PIN1: variants seen among roughly 807,000 people sequenced by gnomAD.
PIN1 encodes peptidylprolyl cis/trans isomerase, NIMA-interacting 1.
PIN1 carries 8 observed loss-of-function variants against 19.9 expected under a neutral mutation model. That is an observed-to-expected ratio of 0.40 (90% CI 0.24 to 0.72). The LOEUF is 0.72. Among genes scored for constraint, PIN1 ranks in the 30% least tolerant of loss-of-function variants. PIN1 has a pLI of 0.37. For missense variants in PIN1, 185 were observed against 226.5 expected (o/e 0.82, Z 1.18); for synonymous variants, 86 against 90.8 (o/e 0.95, Z 0.30).
rs1406843919 is a variant in PIN1, at chr19:9,849,665, A to G, written c.*466A>G. ...ACTGTGCAGCACCCTTTCACCCCCA[A>G]TTAAACCCAGAACCACTGCTCTGCT... On this transcript the variant is annotated 3_prime_UTR_variant, in exon 4 of 4. Coordinates refer to ENST00000247970, the MANE Select transcript of PIN1 (RefSeq NM_006221.4). The G allele has an allele frequency of 7.8e-6, 4 of 513,992 alleles. No homozygotes were observed. The highest frequency in any genetic ancestry group is 5.5e-5 in the East Asian group (1 of 18,286). 31.8% of individuals were successfully genotyped at this position (513,992 alleles called of 1,614,324 possible). A position where few individuals can be genotyped will look rare whatever the true frequency, so the allele number is the denominator to read the frequency against.
At chr19:9,843,085 G>C in intron 2 of PIN1, among the ~76,000 whole-genome samples, 1 of 152,236 alleles carries the variant, frequency 6.6e-6, no homozygotes, top group Non-Finnish European at 1.5e-5. Flanking sequence ...TAAGGAGGAT[G>C]GGCCATGGAG....
At chr19:9,839,415 CAAAA>C (rs549874572) in intron 2 of PIN1, among the ~76,000 whole-genome samples, 2 of 84,302 alleles carry the variant, frequency 2.4e-5, no homozygotes, top group Non-Finnish European at 2.5e-5. Flanking sequence ...GGCACCATCT[CAAAA>C]AAAAAAAAAA....
chr19:9,849,233 G>T lies in PIN1; in HGVS notation c.*34G>T. The T allele has an allele frequency of 2.0e-6, 3 of 1,478,474 alleles. No individual in the cohort carries two copies. Among genetic ancestry groups the T allele is most frequent in the Non-Finnish European group, 2.8e-6 (3 of 1,068,810 alleles). The allele number at this position is 1,478,474 out of a possible 1,614,324, so 91.6% of individuals were successfully genotyped here. A position where few individuals can be genotyped will look rare whatever the true frequency, so the allele number is the denominator to read the frequency against. ...AGCCCAGGCCTGGCCTCGGGGCAGG[G>T]CAGGGCGGCTAGGCCGGCCAGCTCC... is the stretch of plus-strand genomic sequence containing the variant. On this transcript the variant is annotated 3_prime_UTR_variant, in exon 4 of 4. Coordinates refer to ENST00000247970, the MANE Select transcript of PIN1 (RefSeq NM_006221.4).
Position 9,838,552 on chromosome 19 carries a change from C to T in PIN1, c.175C>T (p.His59Tyr). Residue 59 changes from histidine to tyrosine, a missense_variant, in exon 2 of 4, where the codon CAC becomes TAC. His to Tyr is a moderately conservative substitution (Grantham distance 83, BLOSUM62 2). Coordinates refer to ENST00000247970, the MANE Select transcript of PIN1 (RefSeq NM_006221.4). This position sits in a 1 kb window ranked among gnomAD's most constrained non-coding sequence, Gnocchi z 5.8. ...QGEPARVRCS[H>Y]LLVKHSQSRR... ...GGAGCCTGCCAGGGTCCGCTGCTCGCACCTGCTGGTGAAGCACAGCCAGTC... is the reference window on the plus strand; with the variant it reads ...GGAGCCTGCCAGGGTCCGCTGCTCGTACCTGCTGGTGAAGCACAGCCAGTC... 6.3e-7 allele frequency: 1 copy of T among 1,584,376 alleles called. No homozygotes were observed. The highest frequency in any genetic ancestry group is 8.6e-7 in the Non-Finnish European group (1 of 1,166,866).
intron 2 of PIN1, among the ~76,000 whole-genome samples, chr19:9,840,281 C>T (rs774354045): frequency 5.3e-5 from 8 of 151,958 alleles, no homozygotes; most frequent in African/African-American, 9.7e-5. Context: ...CCCAGCTACT[C>T]GGGAGATAGG....
intron 3 of PIN1, 29 bp downstream of exon 3, chr19:9,848,169 G>C (rs1332432716): frequency 7.3e-7 from 1 of 1,369,150 alleles, no homozygotes; most frequent in Admixed American, 1.7e-5. Flanking sequence ...TCACCAGGTT[G>C]GGGGACCCTT....
Position 9,849,475 on chromosome 19 carries a change from T to A in PIN1, c.*276T>A, listed in dbSNP as rs1397559612. On this transcript the variant is annotated 3_prime_UTR_variant, in exon 4 of 4. Transcript: ENST00000247970. ...GGCTCCCAGACCCAGGGCAGTGTGG[T>A]GGGAGGGGTGTTCCAAAGAGAAGGC... The A allele has an allele frequency of 1.4e-6, 1 of 706,064 alleles. No individual in the cohort carries two copies. The allele number at this position is 706,064 out of a possible 1,614,324, so 43.7% of individuals were successfully genotyped here.
At chr19:9,837,144 T>A (rs1327317904) in intron 1 of PIN1, 1 of 261,108 alleles carries the variant, frequency 3.8e-6, no homozygotes. Context: ...TTTTATTTTT[T>A]ATTTTTTATT....
intron 1 of PIN1, 181 bp downstream of exon 1, chr19:9,835,583 G>A (rs1217671139): frequency 1.3e-5 from 7 of 537,950 alleles, no homozygotes; most frequent in Admixed American, 8.7e-5. Context: ...CTCAGGAGCC[G>A]CCGGGAAGCC....
Position 9,835,349 on chromosome 19 carries a change from C to T in PIN1, c.5C>T (p.Ala2Val). The change falls in exon 1 of 4, where the codon GCG becomes GTG. Residue 2 changes from alanine (A) to valine (V), a missense_variant. Physicochemically the swap from Ala to Val is moderately conservative, Grantham distance 64. Coordinates refer to ENST00000247970, the MANE Select transcript of PIN1 (RefSeq NM_006221.4). The part of the protein sequence containing the change: M[A>V]DEEKLPPGWE... ...GGCGCTGCGGCAGGAGGGAAGATGG[C>T]GGACGAGGAGAAGCTGCCGCCCGGC... The T allele has an allele frequency of 1.3e-6, 2 of 1,522,326 alleles. No individual in the cohort carries two copies. Among genetic ancestry groups the T allele is most frequent in the Non-Finnish European group, 1.8e-6 (2 of 1,141,190 alleles). 94.3% of individuals were successfully genotyped at this position (1,522,326 alleles called of 1,614,324 possible).
chr19:9,848,724 G>T, intron 3 of PIN1: 1 of 306,256 alleles, frequency 3.3e-6, no homozygotes. Flanking sequence ...GCGGCAGCAT[G>T]GGGCCAGCAG....
In PIN1 at chr19:9,838,783, A is replaced by C. The variant is rs909185407; in HGVS notation, c.271+135A>C. On this transcript the variant is annotated intron_variant, in intron 2 of 3. Coordinates refer to ENST00000247970, the MANE Select transcript of PIN1 (RefSeq NM_006221.4). This position sits in a 1 kb window ranked among gnomAD's most constrained non-coding sequence, Gnocchi z 5.8. ...TTGGCCAACACAAAAACGCCAGTGC[A>C]TGACCTGACCCTGACCTTCACAGCA... The C allele has an allele frequency of 4.2e-5, 28 of 666,368 alleles. No individual in the cohort carries two copies. Among genetic ancestry groups the C allele is most frequent in the Non-Finnish European group, 6.7e-5 (26 of 388,188 alleles). The allele number at this position is 666,368 out of a possible 1,614,324, so 41.3% of individuals were successfully genotyped here. A position where few individuals can be genotyped will look rare whatever the true frequency, so the allele number is the denominator to read the frequency against.
At position 9,848,011 on chromosome 19, in the gene PIN1, T is replaced by G. The variant is rs1357694117; in HGVS notation, c.272-19T>G. 6.6e-7 allele frequency: 1 copy of G among 1,526,004 alleles called. No individual in the cohort carries two copies. 94.5% of individuals were successfully genotyped at this position (1,526,004 alleles called of 1,614,324 possible). A position where few individuals can be genotyped will look rare whatever the true frequency, so the allele number is the denominator to read the frequency against. On this transcript the variant is annotated intron_variant, in intron 2 of 3. Transcript: ENST00000247970. ...CCCAACCCCTGACCTGGCACTCCCA[T>G]TCCGTTCCATGTCCACAGGCTACAT...
intron 3 of PIN1, 86 bp downstream of exon 3, chr19:9,848,226 C>T (rs1170896636): frequency 1.3e-6 from 1 of 790,066 alleles, no homozygotes. Flanking sequence ...ATTGGGCTCC[C>T]AGGTGCCACA....
intron 2 of PIN1, among the ~76,000 whole-genome samples, chr19:9,839,224 A>G (rs1349896202): frequency 6.6e-6 from 1 of 152,088 alleles, no homozygotes; most frequent in Non-Finnish European, 1.5e-5. Context: ...ACCTGAGGTC[A>G]GGAGTTCAAG....
intron 1 of PIN1, chr19:9,836,774 GA>G: frequency 8.1e-7 from 1 of 1,231,986 alleles, no homozygotes; most frequent in African/African-American, 1.5e-5. Context: ...TTTCGGGTGT[GA>G]AGTACCTGAG....
intron 1 of PIN1, chr19:9,837,669 G>C (rs1435249734): frequency 1.3e-5 from 2 of 155,210 alleles, no homozygotes; most frequent in African/African-American, 4.8e-5. Flanking sequence ...TTTTGCTCTT[G>C]TTGCCCAGGC....
rs2046137633 is a variant in PIN1 at position 9,838,787 on chromosome 19, C to T, written c.271+139C>T. Reference sequence around the variant, plus strand: ...CCAACACAAAAACGCCAGTGCATGACCTGACCCTGACCTTCACAGCAGCCA... The same window carrying T: ...CCAACACAAAAACGCCAGTGCATGATCTGACCCTGACCTTCACAGCAGCCA... On this transcript the variant is annotated intron_variant, in intron 2 of 3. Coordinates refer to ENST00000247970, the MANE Select transcript of PIN1 (RefSeq NM_006221.4). The surrounding 1 kb of genome is among the most constrained non-coding windows in gnomAD (Gnocchi z 5.8). 4.7e-6 allele frequency: 3 copies of T among 636,768 alleles called. No homozygotes were observed. The Admixed American group carries it at 8.5e-5, about 18-fold the overall frequency. 39.4% of individuals were successfully genotyped at this position (636,768 alleles called of 1,614,324 possible).
In PIN1 at chr19:9,849,574, G is replaced by A. The variant is rs774417858; in HGVS notation, c.*375G>A. The A allele has an allele frequency of 1.8e-6, 1 of 563,846 alleles. No homozygotes were observed. Among genetic ancestry groups the A allele is most frequent in the South Asian group, 1.4e-5 (1 of 71,956 alleles). 34.9% of individuals were successfully genotyped at this position (563,846 alleles called of 1,614,324 possible). On this transcript the variant is annotated 3_prime_UTR_variant, in exon 4 of 4. Coordinates refer to ENST00000247970, the MANE Select transcript of PIN1 (RefSeq NM_006221.4). ...CGAGGGCCGAATTGTTTCTAGTTAG[G>A]CCACGCTCCTCTGTTCAGTCGCAAA...
Sources: allele counts gnomAD v4.1 joint callset (sites outside exome capture counted in the v4.1 genomes callset), GRCh38; gene constraint gnomAD v4.1.1; non-coding constraint Gnocchi (gnomAD v3.1); transcripts MANE v1.5; gene names NCBI Gene and HGNC (gene_info 2026-07-23, HGNC 2026-07-21).